The following CLDN16 variants were observed in gnomAD, a reference collection of about 807,000 sequenced individuals.
CLDN16 encodes the protein claudin 16.
Under a neutral mutation model 24.6 loss-of-function variants are expected in CLDN16, and 13 were observed. The ratio of observed to expected loss-of-function variants is 0.53; its 90% CI spans 0.34 to 0.84. The LOEUF is 0.84. CLDN16 is among the 40% of genes least tolerant of loss of function. The pLI is 0.01. For missense variants in CLDN16, 298 were observed against 292.7 expected, an observed-to-expected ratio of 1.02 and a Z score of -0.13; for synonymous variants, 116 against 106.7, an observed-to-expected ratio of 1.09 and a Z score of -0.54.
intron 2 of CLDN16, among the ~76,000 whole-genome samples, chr3:190,374,103 G>A (rs1718198216): frequency 6.6e-6 from 1 of 151,824 alleles, no homozygotes; most frequent in Non-Finnish European, 1.5e-5. Context: ...TGGGTTTTAT[G>A]TCATATAAAC....
chr3:190,405,185 T>C (rs771519341), intron 3 of CLDN16, among the ~76,000 whole-genome samples: 5 of 152,140 alleles, frequency 3.3e-5, no homozygotes, highest in Non-Finnish European at 5.9e-5. Context: ...TTCCCAGCAC[T>C]TTGGGAGGCC....
chr3:190,370,313 G>A (rs1718112241), intron 1 of CLDN16, among the ~76,000 whole-genome samples: 1 of 151,950 alleles, frequency 6.6e-6, no homozygotes, highest in Admixed American at 6.6e-5. Flanking sequence ...AAGAAAGACA[G>A]TAAAGTAAAT....
At chr3:190,302,606 G>GA in the CLDN16 span, among the ~76,000 whole-genome samples, 189 of 151,778 alleles carry the variant, frequency 1.2e-3, no homozygotes, top group African/African-American at 4.3e-3. Context: ...CTCATCTCTA[G>GA]AAAAAAATAC....
upstream of CLDN16, among the ~76,000 whole-genome samples, chr3:190,317,577 C>T (rs904834847): frequency 6.6e-6 from 1 of 152,182 alleles, no homozygotes; most frequent in African/African-American, 2.4e-5. Flanking sequence ...AATCTACTAT[C>T]AATACCAGAC....
chr3:190,338,903 T>TG (rs1050765118), intron 1 of CLDN16, among the ~76,000 whole-genome samples: 65 of 152,170 alleles, frequency 4.3e-4, no homozygotes. Flanking sequence ...CTCATACCCC[T>TG]GCAGGTCTTG....
the CLDN16 span, among the ~76,000 whole-genome samples, chr3:190,303,373 C>T: frequency 2.0e-5 from 3 of 152,096 alleles, no homozygotes; most frequent in Admixed American, 2.0e-4. Context: ...AAAATGATTT[C>T]CAAAAAGAAG....
At chr3:190,291,695 C>T in the CLDN16 span, among the ~76,000 whole-genome samples, 1 of 152,066 alleles carries the variant, frequency 6.6e-6, no homozygotes, top group South Asian at 2.1e-4. Context: ...GTCCCTTCCA[C>T]CTAGGAGCCT....
At chr3:190,360,333 GA>G in intron 1 of CLDN16, among the ~76,000 whole-genome samples, 1 of 151,944 alleles carries the variant, frequency 6.6e-6, no homozygotes, top group East Asian at 1.9e-4. Flanking sequence ...AGGTGGGAGA[GA>G]AACTAGTAAA....
chr3:190,377,220 G>T (rs544601277), intron 3 of CLDN16, among the ~76,000 whole-genome samples: 1 of 151,966 alleles, frequency 6.6e-6, no homozygotes, highest in African/African-American at 2.4e-5. Context: ...TGCATATTGT[G>T]CTGCATACTT....
chr3:190,391,594 A>T (rs1396811779), intron 1 of CLDN16, among the ~76,000 whole-genome samples: 1 of 152,144 alleles, frequency 6.6e-6, no homozygotes, highest in Non-Finnish European at 1.5e-5. Flanking sequence ...AAATTGTAGA[A>T]ATGGCAGCAG....
chr3:190,322,218 G>C, upstream of CLDN16: 4 of 1,612,756 alleles, frequency 2.5e-6, no homozygotes, highest in Non-Finnish European at 3.4e-6. Flanking sequence ...ACTCGCTCGG[G>C]CGCCCGCGCT....
intron 1 of CLDN16, among the ~76,000 whole-genome samples, chr3:190,366,704 C>T (rs533735058): frequency 4.2e-4 from 64 of 152,028 alleles, no homozygotes; most frequent in Admixed American, 1.9e-3. Context: ...GGGAAAGGAC[C>T]GTGACTCTCT....
At chr3:190,322,385 G>A, upstream of CLDN16, 1 of 645,688 alleles carries the variant, frequency 1.5e-6, no homozygotes, top group South Asian at 1.8e-5. Flanking sequence ...GTCCGCGCCC[G>A]GGGCGGCGCT....
At chr3:190,406,464 T>C (rs1719099107) in intron 3 of CLDN16, among the ~76,000 whole-genome samples, 2 of 152,180 alleles carry the variant, frequency 1.3e-5, no homozygotes, top group African/African-American at 4.8e-5. Flanking sequence ...ACCCATCTTA[T>C]GTAAAACAAC....
At chr3:190,354,513 C>A (rs1053653559) in intron 1 of CLDN16, among the ~76,000 whole-genome samples, 1 of 151,998 alleles carries the variant, frequency 6.6e-6, no homozygotes, top group African/African-American at 2.4e-5. Flanking sequence ...CTCTTGATGG[C>A]AAGACTGGTG....
chr3:190,402,539 T>A (rs1413061904), intron 2 of CLDN16, 100 bp downstream of exon 2: 2 of 882,244 alleles, frequency 2.3e-6, no homozygotes, highest in Non-Finnish European at 3.8e-6. Flanking sequence ...TGTACTATAT[T>A]AAGGTTCGGT....
the CLDN16 span, among the ~76,000 whole-genome samples, chr3:190,298,599 G>A: frequency 2.0e-5 from 3 of 152,124 alleles, no homozygotes; most frequent in African/African-American, 7.2e-5. Flanking sequence ...GGAATTACAG[G>A]CATGTGCCAC....
At chr3:190,310,421 G>A in the CLDN16 span, among the ~76,000 whole-genome samples, 5 of 152,014 alleles carry the variant, frequency 3.3e-5, no homozygotes, top group Admixed American at 1.3e-4. Flanking sequence ...TTTATTCCAA[G>A]TATCTATTAA....
intron 1 of CLDN16, among the ~76,000 whole-genome samples, chr3:190,400,181 T>C (rs1184668283): frequency 6.6e-6 from 1 of 152,148 alleles, no homozygotes; most frequent in Non-Finnish European, 1.5e-5. Flanking sequence ...CCTTGTTCCT[T>C]GGCCCCTACC....
Sources: allele counts gnomAD v4.1 joint callset (sites outside exome capture counted in the v4.1 genomes callset), GRCh38; gene constraint gnomAD v4.1.1; transcripts MANE v1.5; gene names NCBI Gene and HGNC (gene_info 2026-07-23, HGNC 2026-07-21).